Variants in CSRNP3 observed in about 807,000 individuals in gnomAD.
CSRNP3 encodes the protein cysteine and serine rich nuclear protein 3, also known as cysteine/serine-rich nuclear protein 3.
A neutral mutation model predicts 48.0 loss-of-function variants in CSRNP3; 12 were observed. The observed-to-expected ratio is 0.25, with a 90% confidence interval of 0.16 to 0.41. The LOEUF (loss-of-function observed/expected upper bound fraction) is 0.41, where lower values mean the gene tolerates loss of function less well. CSRNP3 is among the 10% of genes least tolerant of loss of function. The pLI, the probability that CSRNP3 is intolerant of heterozygous loss-of-function variation, is 1.00. For missense variants in CSRNP3, 580 were observed against 724.4 expected (o/e 0.80, Z 2.29); for synonymous variants, 263 against 269.7 (o/e 0.98, Z 0.24).
chr2:165,513,100 G>A (rs1684529828), intron 2 of CSRNP3, among the ~76,000 whole-genome samples: 1 of 152,084 alleles, frequency 6.6e-6, no homozygotes, highest in Non-Finnish European at 1.5e-5. Flanking sequence ...GCAAGACTCT[G>A]TCTCAAAAAG....
chr2:165,679,225 T>C lies in CSRNP3; in HGVS notation c.1230T>C (p.Leu410=). 1 of 1,613,996 alleles carries C rather than the reference T, an allele frequency of 6.2e-7. No individual in the cohort carries two copies. Among genetic ancestry groups the C allele is most frequent in the Non-Finnish European group, 8.5e-7 (1 of 1,179,982 alleles). Residue 410 remains leucine, a synonymous_variant, in exon 7 of 7, where the codon CTT becomes CTC. Coordinates refer to ENST00000651982, the MANE Select transcript of CSRNP3 (RefSeq NM_001172173.2). Reference sequence around the variant, plus strand: ...AAGTTGTCCCTCTTCCTTCAGTTCTTTGTTATTCTGATGGCACCGCCGTTC... The same window carrying C: ...AAGTTGTCCCTCTTCCTTCAGTTCTCTGTTATTCTGATGGCACCGCCGTTC... ...HAEVVPLPSV[L]CYSDGTAVHE...
intron 5 of CSRNP3, among the ~76,000 whole-genome samples, chr2:165,670,919 A>G (rs1687317586): frequency 6.6e-6 from 1 of 152,214 alleles, no homozygotes; most frequent in Non-Finnish European, 1.5e-5. Context: ...GAAAAAGAAA[A>G]CACTACAGGA....
chr2:165,665,775 A>AGAGAGAG (rs1687171026), intron 5 of CSRNP3, among the ~76,000 whole-genome samples: 1 of 131,194 alleles, frequency 7.6e-6, no homozygotes, highest in Non-Finnish European at 1.6e-5. Context: ...AAAAGAAAGA[A>AGAGAGAG]AGAGAGAGAG....
chr2:165,656,926 T>A (rs775612124), intron 4 of CSRNP3, among the ~76,000 whole-genome samples: 1 of 152,224 alleles, frequency 6.6e-6, no homozygotes, highest in Non-Finnish European at 1.5e-5. Flanking sequence ...TGAGAAATTA[T>A]AGTTGTCCCT....
At chr2:165,500,420 TACACACACAC>T (rs60600698) in intron 2 of CSRNP3, among the ~76,000 whole-genome samples, 4 of 142,408 alleles carry the variant, frequency 2.8e-5, no homozygotes, top group African/African-American at 7.9e-5. Context: ...CATATATATA[TACACACACAC>T]ACACACACAC....
intron 2 of CSRNP3, among the ~76,000 whole-genome samples, chr2:165,503,671 T>C (rs994394365): frequency 6.6e-6 from 1 of 152,016 alleles, no homozygotes; most frequent in Non-Finnish European, 1.5e-5. Context: ...ACACATTAGA[T>C]ATCTTTTTGT....
chr2:165,563,518 C>T (rs1045790714), intron 3 of CSRNP3, among the ~76,000 whole-genome samples: 7 of 152,096 alleles, frequency 4.6e-5, no homozygotes, highest in Non-Finnish European at 8.8e-5. Flanking sequence ...CTGCCCAATT[C>T]GCGAATCATT....
chr2:165,569,075 T>C (rs1311834114), intron 3 of CSRNP3, among the ~76,000 whole-genome samples: 2 of 152,120 alleles, frequency 1.3e-5, no homozygotes, highest in East Asian at 1.9e-4. Context: ...GAACAGTGTA[T>C]ATTTCATTTT....
intron 4 of CSRNP3, among the ~76,000 whole-genome samples, chr2:165,643,257 AG>A (rs1686755070): frequency 6.6e-6 from 1 of 152,244 alleles, no homozygotes; most frequent in Admixed American, 6.5e-5. Flanking sequence ...GAGGATAAAA[AG>A]AATGTACTGC....
chr2:165,558,148 A>G (rs998954561), intron 3 of CSRNP3, among the ~76,000 whole-genome samples: 4 of 152,112 alleles, frequency 2.6e-5, no homozygotes, highest in East Asian at 1.9e-4. Context: ...AAGGGGGGGA[A>G]AAAACTATTG....
At chr2:165,620,972 A>C (rs939158475) in intron 4 of CSRNP3, among the ~76,000 whole-genome samples, 3 of 151,950 alleles carry the variant, frequency 2.0e-5, no homozygotes, top group East Asian at 3.9e-4. Context: ...TATTTAACCC[A>C]CTTTTTTCTA....
Position 165,685,722 on chromosome 2 carries a change from A to G in CSRNP3, c.*5969A>G, listed in dbSNP as rs974119710. 2.0e-4 allele frequency: 31 copies of G among 152,210 alleles called. No individual in the cohort carries two copies. The highest frequency in any genetic ancestry group is 4.6e-4 in the Admixed American group (7 of 15,254). The allele number at this position is 152,210 out of a possible 1,614,324, so 9.4% of individuals were successfully genotyped here. ...ATCCTTTGCATTGGCTTATAATTCA[A>G]GAAATGTCAACTTCACTGTGTCACT... On this transcript the variant is annotated 3_prime_UTR_variant, in exon 7 of 7. Coordinates refer to ENST00000651982, the MANE Select transcript of CSRNP3 (RefSeq NM_001172173.2).
At position 165,678,935 on chromosome 2, in the gene CSRNP3, G is replaced by C. The variant is rs575009422; in HGVS notation, c.940G>C (p.Ala314Pro). 6.2e-7 allele frequency: 1 copy of C among 1,613,966 alleles called. No homozygotes were observed. The highest frequency in any genetic ancestry group is 8.5e-7 in the Non-Finnish European group (1 of 1,179,978). The change falls in exon 7 of 7, where the codon GCA (alanine) becomes CCA (proline). Residue 314 changes from alanine to proline, a missense_variant. By Grantham distance (27) the Ala-to-Pro change is conservative. Coordinates refer to ENST00000651982, the MANE Select transcript of CSRNP3 (RefSeq NM_001172173.2). ...PVAHSVEYSI[A>P]DSFEIETEPQ... ...CGCTCACTCCGTAGAATATTCAATC[G>C]CAGACAGTTTTGAGATTGAAACTGA... is the stretch of plus-strand genomic sequence containing the variant.
intron 3 of CSRNP3, among the ~76,000 whole-genome samples, chr2:165,539,663 C>T (rs929859710): frequency 2.6e-5 from 4 of 151,970 alleles, no homozygotes; most frequent in Admixed American, 6.6e-5. Flanking sequence ...TCTCTTTCTG[C>T]GACCTTTTTA....
At chr2:165,506,869 T>C (rs1158862361) in intron 2 of CSRNP3, among the ~76,000 whole-genome samples, 3 of 152,182 alleles carry the variant, frequency 2.0e-5, no homozygotes, top group African/African-American at 7.2e-5. Context: ...GACTGTCTCA[T>C]TCATTTCTCC....
At chr2:165,628,354 A>T (rs373913249) in intron 4 of CSRNP3, among the ~76,000 whole-genome samples, 1 of 152,084 alleles carries the variant, frequency 6.6e-6, no homozygotes, top group South Asian at 2.1e-4. Context: ...CAGGTTTTCA[A>T]TTGCTTTCTG....
Position 165,679,059 on chromosome 2 carries a change from G to A in CSRNP3, c.1064G>A (p.Gly355Glu), listed in dbSNP as rs1687478651. 6.2e-7 allele frequency: 1 copy of A among 1,613,752 alleles called. No homozygotes were observed. The highest frequency in any genetic ancestry group is 8.5e-7 in the Non-Finnish European group (1 of 1,179,964). Residue 355 changes from glycine to glutamate, a missense_variant, in exon 7 of 7, where the codon GGA (glycine) becomes GAA (glutamate). Coordinates refer to ENST00000651982, the MANE Select transcript of CSRNP3 (RefSeq NM_001172173.2). ...EEEDGSSFCS[G>E]VTDSSTQSLA... ...GAGGATGGGAGCAGCTTTTGCAGCG[G>A]AGTCACAGATTCTAGCACGCAAAGC...
chr2:165,586,318 A>T (rs1332605193), intron 3 of CSRNP3, among the ~76,000 whole-genome samples: 3 of 152,318 alleles, frequency 2.0e-5, no homozygotes, highest in Non-Finnish European at 4.4e-5. Context: ...ATTTTCATGT[A>T]CGTGGTTCTA....
chr2:165,573,856 CTG>C (rs1388956671), intron 3 of CSRNP3, among the ~76,000 whole-genome samples: 1 of 152,002 alleles, frequency 6.6e-6, no homozygotes, highest in Non-Finnish European at 1.5e-5. Context: ...AAAAAAAAAG[CTG>C]TGTTTCAAAA....
Sources: allele counts gnomAD v4.1 joint callset (sites outside exome capture counted in the v4.1 genomes callset), GRCh38; gene constraint gnomAD v4.1.1; transcripts MANE v1.5; gene names NCBI Gene and HGNC (gene_info 2026-07-23, HGNC 2026-07-21).